The following COL11A2 variants were observed in gnomAD, a reference collection of about 807,000 sequenced individuals.
The protein encoded by COL11A2 is collagen type XI alpha 2 chain, also known as collagen alpha-2(XI) chain.
A neutral mutation model predicts 273.4 loss-of-function variants in COL11A2; 116 were observed. The observed-to-expected ratio is 0.42, with a 90% CI of 0.36 to 0.49. The LOEUF (loss-of-function observed/expected upper bound fraction) is 0.49. Ranked by LOEUF, COL11A2 falls within the 20% of genes least tolerant of loss-of-function variation. The probability of loss-of-function intolerance (pLI) is 0.00; values close to 1 mark genes in which losing one functional copy is unlikely to be tolerated. For synonymous variants in COL11A2, 782 were observed against 864.2 expected, an observed-to-expected ratio of 0.90 and a Z score of 1.67; for missense variants, 1,866 against 2,309.0, an observed-to-expected ratio of 0.81 and a Z score of 3.93.
chr6:33,183,186 C>T (rs989845637), intron 8 of COL11A2, among the ~76,000 whole-genome samples: 2 of 152,072 alleles, frequency 1.3e-5, no homozygotes, highest in African/African-American at 4.8e-5. Flanking sequence ...CTAAGGGACA[C>T]AGAACAAAAT....
Position 33,189,286 on chromosome 6 carries a change from TC to T in COL11A2, c.232+33del, listed in dbSNP as rs756973999. 6.2e-7 allele frequency: 1 copy of T among 1,613,130 alleles called. No individual in the cohort carries two copies. Among genetic ancestry groups the T allele is most frequent in the East Asian group, 2.2e-5 (1 of 44,836 alleles). On this transcript the variant is annotated intron_variant, in intron 2 of 65. Coordinates refer to ENST00000341947, the MANE Select transcript of COL11A2 (RefSeq NM_080680.3). The surrounding 1 kb of genome is among the most constrained non-coding windows in gnomAD (Gnocchi z 5.6). ...TGATCCTAGGCCCCATCCCATTACC[TC>T]CCCCCAGGCCTACCCCACCATGTCA...
In COL11A2 at chr6:33,179,702, G is replaced by A. The variant is rs1360106176; in HGVS notation, c.1446+17C>T. ...CCCCCCAGAGCCTTCCCTTTCCAGG[G>A]AAGCAGCCCCACTCACCCTCGCCTG... On this transcript the variant is annotated intron_variant, in intron 13 of 65. Transcript: ENST00000341947. This position sits in a 1 kb window ranked among gnomAD's most constrained non-coding sequence, Gnocchi z 6.4. The A allele has an allele frequency of 6.2e-7, 1 of 1,610,810 alleles. No individual in the cohort carries two copies. Among genetic ancestry groups the A allele is most frequent in the Non-Finnish European group, 8.5e-7 (1 of 1,179,872 alleles).
chr6:33,192,209 A>T lies in COL11A2; in HGVS notation c.32T>A (p.Leu11His). 1 of 1,566,502 alleles carries T rather than the reference A, an allele frequency of 6.4e-7. No individual in the cohort carries two copies. Residue 11 changes from leucine to histidine, a missense_variant, in exon 1 of 66, where the codon CTC becomes CAC. Transcript: ENST00000341947. Reference protein sequence around the residue: MERCSRCHRLLLLLPLVLGLS... With the variant: MERCSRCHRLHLLLPLVLGLS... ...CCCCAGCACCAGAGGTAGGAGGAGG[A>T]GGAGGCGATGGCAGCGGCTGCACCG...
intron 45 of COL11A2, 68 bp downstream of exon 45, chr6:33,171,046 G>A: frequency 6.3e-7 from 1 of 1,577,782 alleles, no homozygotes; most frequent in Non-Finnish European, 8.6e-7. Context: ...CCAGCCACAA[G>A]GGCAGAGGGG....
chr6:33,187,937 G>A (rs1266891030), intron 4 of COL11A2, among the ~76,000 whole-genome samples: 1 of 152,058 alleles, frequency 6.6e-6, no homozygotes. Flanking sequence ...GGGGAGAGTG[G>A]TTAAGCAGGG....
At position 33,178,193 on chromosome 6, in the gene COL11A2, C is replaced by T. The variant is rs543860172; in HGVS notation, c.1819-8G>A. 6.8e-6 allele frequency: 11 copies of T among 1,612,118 alleles called. No individual in the cohort carries two copies. In the African/African-American group the frequency reaches 1.1e-4, roughly 16 times the overall value. On this transcript the variant is annotated splice_polypyrimidine_tract_variant and splice_region_variant and intron_variant, in intron 20 of 65. Coordinates refer to ENST00000341947, the MANE Select transcript of COL11A2 (RefSeq NM_080680.3). This position sits in a 1 kb window ranked among gnomAD's most constrained non-coding sequence, Gnocchi z 4.6. ...AAGGAGACCTCGAGGTCCCTGCATTCACGGTGAGGGGAGGAGACGGCATGA... is the reference window on the plus strand; with the variant it reads ...AAGGAGACCTCGAGGTCCCTGCATTTACGGTGAGGGGAGGAGACGGCATGA...
rs940498663 is a variant in COL11A2, at chr6:33,165,031, C to A, written c.4751-67G>T. On this transcript the variant is annotated intron_variant, in intron 63 of 65. Coordinates refer to ENST00000341947, the MANE Select transcript of COL11A2 (RefSeq NM_080680.3). This position sits in a 1 kb window ranked among gnomAD's most constrained non-coding sequence, Gnocchi z 7.7. ...CAGGCTCCAAGATGCTCTTTGCCCC[C>A]ACATTCCCTCTTCCCTCCCAGCCCT... 1.7e-5 allele frequency: 21 copies of A among 1,221,086 alleles called. No homozygotes were observed. The highest frequency in any genetic ancestry group is 2.2e-5 in the Non-Finnish European group (19 of 847,958). The allele number at this position is 1,221,086 out of a possible 1,614,324, so 75.6% of individuals were successfully genotyped here.
intron 8 of COL11A2, 150 bp downstream of exon 8, chr6:33,183,995 A>G (rs907310941): frequency 3.3e-6 from 2 of 602,356 alleles, no homozygotes; most frequent in African/African-American, 3.8e-5. Context: ...AATCTTTTCA[A>G]GCAACATATA....
intron 53 of COL11A2, 27 bp from the exon 54 acceptor site, chr6:33,168,599 G>A: frequency 6.2e-7 from 1 of 1,612,766 alleles, no homozygotes; most frequent in East Asian, 2.2e-5. Flanking sequence ...TGGGGTGGCT[G>A]AGTGTTTATC....
At position 33,163,492 on chromosome 6, in the gene COL11A2, C is replaced by T. The variant is rs1279511589; in HGVS notation, c.*186G>A. The stretch of plus-strand genomic sequence containing the variant: ...AGGGCCAAGAGCCCCAGATGCCACT[C>T]CTCCCGTGGGGTGTCCAGGCAACCA... On this transcript the variant is annotated 3_prime_UTR_variant, in exon 66 of 66. Transcript: ENST00000341947. This position sits in a 1 kb window ranked among gnomAD's most constrained non-coding sequence, Gnocchi z 4.1. The T allele has an allele frequency of 7.8e-6, 6 of 766,654 alleles. No individual in the cohort carries two copies. The East Asian group carries it at 1.6e-4, about 21-fold the overall frequency. 47.5% of individuals were successfully genotyped at this position (766,654 alleles called of 1,614,324 possible).
chr6:33,165,004 T>G lies in COL11A2; in HGVS notation c.4751-40A>C. ...AGAGGGGAGGTCAGGGCCACCTAGG[T>G]CCAGGCTCCAAGATGCTCTTTGCCC... On this transcript the variant is annotated intron_variant, in intron 63 of 65. Coordinates refer to ENST00000341947, the MANE Select transcript of COL11A2 (RefSeq NM_080680.3). The surrounding 1 kb of genome is among the most constrained non-coding windows in gnomAD (Gnocchi z 7.7). 6.7e-7 allele frequency: 1 copy of G among 1,482,832 alleles called. No individual in the cohort carries two copies. The highest frequency in any genetic ancestry group is 9.2e-7 in the Non-Finnish European group (1 of 1,084,458). The allele number at this position is 1,482,832 out of a possible 1,614,324, so 91.9% of individuals were successfully genotyped here.
At chr6:33,193,429 C>T (rs946655816), upstream of COL11A2, among the ~76,000 whole-genome samples, 2 of 145,508 alleles carry the variant, frequency 1.4e-5, no homozygotes, top group Admixed American at 1.3e-4. Flanking sequence ...CTCTCCCCCC[C>T]TCCCCGACAA....
At position 33,192,212 on chromosome 6, in the gene COL11A2, A is replaced by C. The variant is rs2150637256; in HGVS notation, c.29T>G (p.Leu10Arg). 6.4e-7 allele frequency: 1 copy of C among 1,565,388 alleles called. No homozygotes were observed. The highest frequency in any genetic ancestry group is 1.2e-5 in the South Asian group (1 of 85,070). Reference sequence around the variant, plus strand: ...CAGCACCAGAGGTAGGAGGAGGAGGAGGCGATGGCAGCGGCTGCACCGCTC... The same window carrying C: ...CAGCACCAGAGGTAGGAGGAGGAGGCGGCGATGGCAGCGGCTGCACCGCTC... MERCSRCHRLLLLLPLVLGL... is the reference protein window; with the variant it reads MERCSRCHRRLLLLPLVLGL... Residue 10 changes from leucine to arginine, a missense_variant, in exon 1 of 66, where the codon CTC becomes CGC. Coordinates refer to ENST00000341947, the MANE Select transcript of COL11A2 (RefSeq NM_080680.3).
At position 33,171,700 on chromosome 6, in the gene COL11A2, C is replaced by T; in HGVS notation, c.3150+13G>A. 1 of 1,609,324 alleles carries T rather than the reference C, an allele frequency of 6.2e-7. No individual in the cohort carries two copies. Among genetic ancestry groups the T allele is most frequent in the Non-Finnish European group, 8.5e-7 (1 of 1,176,934 alleles). On this transcript the variant is annotated intron_variant, in intron 42 of 65. Transcript: ENST00000341947. ...CCCTCCCCAGTACCCCTCCCCAATA[C>T]CCCCACACTCACTGGGACACCTTTC...
In COL11A2 at chr6:33,173,981, G is replaced by A; in HGVS notation, c.2529+30C>T. 1 of 1,614,036 alleles carries A rather than the reference G, an allele frequency of 6.2e-7. No homozygotes were observed. Among genetic ancestry groups the A allele is most frequent in the Non-Finnish European group, 8.5e-7 (1 of 1,179,990 alleles). ...ACCCAAATGCCCCCCTCTGGACCTT[G>A]AGCCACCTGTTTCTCTCCCCTGCAC... On this transcript the variant is annotated intron_variant, in intron 33 of 65. Transcript: ENST00000341947. This position sits in a 1 kb window ranked among gnomAD's most constrained non-coding sequence, Gnocchi z 6.3.
At chr6:33,180,868 G>C (rs1771640398) in intron 10 of COL11A2, 96 bp downstream of exon 10, 1 of 1,567,078 alleles carries the variant, frequency 6.4e-7, no homozygotes, top group Non-Finnish European at 8.8e-7. Flanking sequence ...CCCGAGTTCT[G>C]AGGAGGAGGC....
Position 33,174,561 on chromosome 6 carries a change from C to T in COL11A2, c.2396G>A (p.Gly799Asp), listed in dbSNP as rs1182669699. The T allele has an allele frequency of 6.2e-7, 1 of 1,612,312 alleles. No homozygotes were observed. The highest frequency in any genetic ancestry group is 8.5e-7 in the Non-Finnish European group (1 of 1,179,934). ...CTGACGTCCAGGATAGCCAGGCAGA[C>T]CAGGAACACCCAGCTTGCCCTGTGG... is the stretch of plus-strand genomic sequence containing the variant. The part of the protein sequence containing the change: ...MGEKGKLGVP[G>D]LPGYPGRQGP... The change falls in exon 31 of 66, where the codon GGT becomes GAT. Residue 799 changes from glycine to aspartate, a missense_variant. Physicochemically the swap from Gly to Asp is moderately conservative, Grantham distance 94. Coordinates refer to ENST00000341947, the MANE Select transcript of COL11A2 (RefSeq NM_080680.3).
rs765246981 is a variant in COL11A2 at position 33,188,962 on chromosome 6, G to A, written c.443+16C>T. The A allele has an allele frequency of 1.9e-5, 30 of 1,613,754 alleles. No individual in the cohort carries two copies. Among genetic ancestry groups the A allele is most frequent in the Middle Eastern group, 3.3e-4 (2 of 6,068 alleles). On this transcript the variant is annotated intron_variant, in intron 3 of 65. Transcript: ENST00000341947. ...AAAGTGTGGGCCAGGCAGACCAGAG[G>A]AGCAAACAAACTTACTTGCCATCTG...
chr6:33,165,151 A>G lies in COL11A2; in HGVS notation c.4751-187T>C, dbSNP rs370114445. Among the ~76,000 whole-genome samples the G allele has an allele frequency of 4.1e-3, 629 of 151,928 alleles. 8 individuals carry two copies. The highest frequency in any genetic ancestry group is 0.015 in the African/African-American group (615 of 41,426). ...TTCTACTGCAGCATCCTACTGCTGC[A>G]GCCCACTTTCATCACGTGACACCTC... is the stretch of plus-strand genomic sequence containing the variant. On this transcript the variant is annotated intron_variant, in intron 63 of 65. Transcript: ENST00000341947. This position sits in a 1 kb window ranked among gnomAD's most constrained non-coding sequence, Gnocchi z 7.7.
Sources: gnomAD v4.1 joint callset for allele counts (sites outside exome capture counted in the v4.1 genomes callset) on GRCh38, gnomAD v4.1.1 for gene constraint, Gnocchi (gnomAD v3.1) non-coding constraint, MANE v1.5 for transcripts, NCBI Gene and HGNC (gene_info 2026-07-23, HGNC 2026-07-21) for gene names.